MBD5: variants seen among roughly 807,000 people sequenced by gnomAD.
The protein encoded by MBD5 is methyl-CpG binding domain protein 5.
Under a neutral mutation model 117.3 loss-of-function variants are expected in MBD5, and 13 were observed. The observed-to-expected ratio is 0.11, with a 90% CI of 0.07 to 0.18. The LOEUF (loss-of-function observed/expected upper bound fraction) is 0.18, where lower values mean the gene tolerates loss of function less well. Ranked by LOEUF, MBD5 falls within the 10% of genes least tolerant of loss-of-function variation. MBD5 has a pLI of 1.00. For synonymous variants in MBD5, 727 were observed against 766.4 expected (o/e 0.95, Z 0.85); for missense variants, 1,879 against 2,093.8 (o/e 0.90, Z 2.00).
intron 11 of MBD5, among the ~76,000 whole-genome samples, chr2:148,496,811 A>C (rs1240029499): frequency 1.3e-5 from 2 of 152,220 alleles, no homozygotes; most frequent in African/African-American, 4.8e-5. Flanking sequence ...AAATTGTGAT[A>C]AAGAGAATTT....
At chr2:148,113,420 G>A (rs1015178142) in intron 1 of MBD5, among the ~76,000 whole-genome samples, 2 of 152,008 alleles carry the variant, frequency 1.3e-5, no homozygotes, top group East Asian at 1.9e-4. Flanking sequence ...GGCATTTACT[G>A]TTAACAGATT....
chr2:148,490,542 T>A lies in MBD5; in HGVS notation c.4910T>A (p.Val1637Glu). ...CTGACTTCCTGGCCTGGAAAATTAGTAAGAGAAGACGACGTTCACAATTCA... is the reference window on the plus strand; with the variant it reads ...CTGACTTCCTGGCCTGGAAAATTAGAAAGAGAAGACGACGTTCACAATTCA... ...KGLTSWPGKLVREDDVHNSCQ... is the reference protein window; with the variant it reads ...KGLTSWPGKLEREDDVHNSCQ... The change falls in exon 11 of 14, where the codon GTA becomes GAA. Residue 1637 changes from valine to glutamate, a missense_variant. Val to Glu is a moderately radical substitution (Grantham distance 121, BLOSUM62 -2). Coordinates refer to ENST00000642680, the MANE Select transcript of MBD5 (RefSeq NM_001378120.1). 6.2e-7 allele frequency: 1 copy of A among 1,614,180 alleles called. No individual in the cohort carries two copies. Among genetic ancestry groups the A allele is most frequent in the Non-Finnish European group, 8.5e-7 (1 of 1,180,010 alleles).
chr2:148,420,477 A>G (rs982603464), intron 4 of MBD5, among the ~76,000 whole-genome samples: 2 of 152,228 alleles, frequency 1.3e-5, no homozygotes, highest in African/African-American at 2.4e-5. Context: ...AGAAGTTGCA[A>G]TAATTCAGAG....
chr2:148,432,651 A>G (rs754497075), intron 4 of MBD5, among the ~76,000 whole-genome samples: 16 of 152,072 alleles, frequency 1.1e-4, no homozygotes, highest in Non-Finnish European at 1.9e-4. Flanking sequence ...CGTTGTTGTC[A>G]ACTTTGTTGG....
intron 3 of MBD5, among the ~76,000 whole-genome samples, chr2:148,325,680 TA>T (rs1163819716): frequency 4.6e-5 from 7 of 152,292 alleles, no homozygotes; most frequent in Admixed American, 6.5e-5. Context: ...TCGGTGGTGA[TA>T]TCCCCTTTAT....
At chr2:148,417,830 GT>G (rs1705470801) in intron 4 of MBD5, among the ~76,000 whole-genome samples, 1 of 151,250 alleles carries the variant, frequency 6.6e-6, no homozygotes, top group African/African-American at 2.4e-5. Flanking sequence ...GCGGGGGGGT[GT>G]TTTTTGTTTG....
intron 4 of MBD5, among the ~76,000 whole-genome samples, chr2:148,420,783 G>A (rs1705579240): frequency 6.6e-6 from 1 of 152,064 alleles, no homozygotes; most frequent in African/African-American, 2.4e-5. Flanking sequence ...TGGGAGTACG[G>A]TGGTGCTATC....
rs527855128 is a variant in MBD5 at position 148,453,637 on chromosome 2, G to C, written c.-556-4566G>C. Among the ~76,000 whole-genome samples, 2 of 152,124 alleles carry C rather than the reference G, an allele frequency of 1.3e-5. 1 individual carries two copies. Among genetic ancestry groups the C allele is most frequent in the South Asian group, 4.1e-4 (2 of 4,824 alleles). ...GTGGGTCTTTGGGGAGGTGAGGCAA[G>C]ATGCTGTGAAATAGGTACTTCTAAA... is the stretch of plus-strand genomic sequence containing the variant. On this transcript the variant is annotated intron_variant, in intron 4 of 13. Coordinates refer to ENST00000642680, the MANE Select transcript of MBD5 (RefSeq NM_001378120.1).
intron 4 of MBD5, among the ~76,000 whole-genome samples, chr2:148,424,194 A>AC (rs1705703608): frequency 2.0e-4 from 16 of 80,622 alleles, no homozygotes; most frequent in African/African-American, 1.2e-3. Flanking sequence ...AAAAAAAAAA[A>AC]AAAAAAAAAA....
At chr2:148,199,990 T>TA (rs1464632980) in intron 2 of MBD5, among the ~76,000 whole-genome samples, 1 of 152,180 alleles carries the variant, frequency 6.6e-6, no homozygotes, top group East Asian at 1.9e-4. Flanking sequence ...GCTGTACATT[T>TA]ATCTTATGAT....
intron 4 of MBD5, among the ~76,000 whole-genome samples, chr2:148,446,223 A>G (rs1044986916): frequency 6.6e-6 from 1 of 151,996 alleles, no homozygotes; most frequent in Admixed American, 6.6e-5. Context: ...TATGTCCTGA[A>G]TGGTATTGCC....
chr2:148,328,860 A>T (rs149118250), intron 3 of MBD5, among the ~76,000 whole-genome samples: 1 of 152,170 alleles, frequency 6.6e-6, no homozygotes, highest in East Asian at 1.9e-4. Context: ...CCATCCATAT[A>T]TATCTTTTTA....
chr2:148,141,804 TG>T (rs958898276), intron 1 of MBD5, among the ~76,000 whole-genome samples: 24 of 79,920 alleles, frequency 3.0e-4, no homozygotes, highest in Admixed American at 2.8e-3. Flanking sequence ...AAAAAAAAAA[TG>T]TTTTTAATAA....
chr2:148,109,798 T>C (rs1204647677), intron 1 of MBD5, among the ~76,000 whole-genome samples: 2 of 152,172 alleles, frequency 1.3e-5, no homozygotes, highest in Non-Finnish European at 2.9e-5. Flanking sequence ...TTATTTGTAT[T>C]TTCTACAATG....
chr2:148,048,825 A>T (rs1694614581), intron 1 of MBD5, among the ~76,000 whole-genome samples: 1 of 152,168 alleles, frequency 6.6e-6, no homozygotes, highest in Non-Finnish European at 1.5e-5. Context: ...TGCTCCCTTG[A>T]GAAAAGAAGT....
At chr2:148,308,276 A>G (rs1428442368) in intron 3 of MBD5, among the ~76,000 whole-genome samples, 1 of 151,994 alleles carries the variant, frequency 6.6e-6, no homozygotes, top group Admixed American at 6.5e-5. Context: ...AAGCGTTCCT[A>G]TTTCTCCACA....
At chr2:148,268,553 G>C (rs1700912886) in intron 3 of MBD5, among the ~76,000 whole-genome samples, 4 of 151,168 alleles carry the variant, frequency 2.6e-5, no homozygotes, top group Admixed American at 2.0e-4. Flanking sequence ...AGTAGTTAAT[G>C]GTAATTCTAA....
At chr2:148,317,629 G>C (rs1279584015) in intron 3 of MBD5, among the ~76,000 whole-genome samples, 1 of 147,624 alleles carries the variant, frequency 6.8e-6, no homozygotes, top group Non-Finnish European at 1.5e-5. Flanking sequence ...ACCTTTTGTT[G>C]TCTCTAGTGT....
intron 3 of MBD5, among the ~76,000 whole-genome samples, chr2:148,252,534 C>G (rs1700491982): frequency 6.6e-6 from 1 of 152,036 alleles, no homozygotes; most frequent in Non-Finnish European, 1.5e-5. Flanking sequence ...TACCAGATAT[C>G]ATGTATCTTT....
Sources: gnomAD v4.1 joint callset for allele counts (sites outside exome capture counted in the v4.1 genomes callset) on GRCh38, gnomAD v4.1.1 for gene constraint, MANE v1.5 for transcripts, NCBI Gene and HGNC (gene_info 2026-07-23, HGNC 2026-07-21) for gene names.